The following ABCB5 variants were observed in gnomAD, a reference collection of about 807,000 sequenced individuals.
The protein encoded by ABCB5 is ATP binding cassette subfamily B member 5.
A neutral mutation model predicts 144.2 loss-of-function variants in ABCB5; 155 were observed. The ratio of observed to expected loss-of-function variants is 1.08; its 90% CI spans 0.94 to 1.23. The LOEUF is 1.23. Among genes scored for constraint, ABCB5 ranks in the 50% most tolerant of loss-of-function variants. The probability of loss-of-function intolerance (pLI) is 0.00; values close to 1 mark genes in which losing one functional copy is unlikely to be tolerated. For missense variants in ABCB5, 1,830 were observed against 1,520.8 expected (o/e 1.20, Z -3.38); for synonymous variants, 610 against 528.6 (o/e 1.15, Z -2.11).
chr7:20,623,221 A>G (rs1783837589), intron 1 of ABCB5, 44 bp from the exon 2 acceptor site: 1 of 1,147,710 alleles, frequency 8.7e-7, no homozygotes, highest in African/African-American at 1.6e-5. Flanking sequence ...ACTAAGTGAT[A>G]AAAGTCACAT....
intron 25 of ABCB5, among the ~76,000 whole-genome samples, chr7:20,743,498 C>T (rs1782625478): frequency 6.6e-6 from 1 of 152,168 alleles, no homozygotes; most frequent in South Asian, 2.1e-4. Context: ...AAACTTTATG[C>T]ACGGTTAAGG....
At position 20,709,308 on chromosome 7, in the gene ABCB5, C is replaced by T. The variant is rs143585000; in HGVS notation, c.2421+4501C>T. Among the ~76,000 whole-genome samples the T allele has an allele frequency of 1.9e-4, 28 of 149,824 alleles. 4 individuals are homozygous for T. Among genetic ancestry groups the T allele is most frequent in the South Asian group, 4.3e-4 (2 of 4,672 alleles). On this transcript the variant is annotated intron_variant, in intron 20 of 27. Coordinates refer to ENST00000404938, the MANE Select transcript of ABCB5 (RefSeq NM_001163941.2). ...TTCTCATTTTCATATTTTAGTTTTG[C>T]GAAGAAATTCTGCTAAGACAAGATA...
chr7:20,708,185 G>C (rs1786886973), intron 20 of ABCB5, among the ~76,000 whole-genome samples: 1 of 152,118 alleles, frequency 6.6e-6, no homozygotes, highest in Non-Finnish European at 1.5e-5. Context: ...AAACAATGTT[G>C]CCATGGAAAT....
chr7:20,653,454 T>C (rs1489653283), intron 13 of ABCB5, among the ~76,000 whole-genome samples: 1 of 152,182 alleles, frequency 6.6e-6, no homozygotes, highest in Non-Finnish European at 1.5e-5. Context: ...ATACACAGAT[T>C]TTAAAATTAA....
intron 27 of ABCB5, among the ~76,000 whole-genome samples, chr7:20,753,978 G>C (rs1358996818): frequency 6.6e-6 from 1 of 152,200 alleles, no homozygotes; most frequent in Non-Finnish European, 1.5e-5. Context: ...TGACACATGA[G>C]AAAATACTTG....
intron 13 of ABCB5, among the ~76,000 whole-genome samples, chr7:20,655,337 G>T (rs2128028170): frequency 6.6e-6 from 1 of 152,176 alleles, no homozygotes; most frequent in South Asian, 2.1e-4. Flanking sequence ...GCTGGGTGTG[G>T]TGGTGCACAC....
At position 20,742,858 on chromosome 7, in the gene ABCB5, T is replaced by C. The variant is rs767431491; in HGVS notation, c.3025-19T>C. On this transcript the variant is annotated intron_variant, in intron 24 of 27. Transcript: ENST00000404938. Reference sequence around the variant, plus strand: ...CTTCCCAAGTCATTCTTCTCAACTCTGTCAACTTCCTTTCACAGGACACAT... The same window carrying C: ...CTTCCCAAGTCATTCTTCTCAACTCCGTCAACTTCCTTTCACAGGACACAT... 1 of 1,612,946 alleles carries C rather than the reference T, an allele frequency of 6.2e-7. No individual in the cohort carries two copies. The highest frequency in any genetic ancestry group is 8.5e-7 in the Non-Finnish European group (1 of 1,179,442).
chr7:20,716,282 C>T lies in ABCB5; in HGVS notation c.2422-6734C>T, dbSNP rs528273440. Among the ~76,000 whole-genome samples, 14 of 151,526 alleles carry T rather than the reference C, an allele frequency of 9.2e-5. No individual in the cohort carries two copies. In the South Asian group the frequency reaches 2.7e-3, roughly 29 times the overall value. On this transcript the variant is annotated intron_variant, in intron 20 of 27. Transcript: ENST00000404938. ...TGTATCAAGGTCTACAAAACATAAC[C>T]CCCTATCAAGTAATTGATGACAAGT...
chr7:20,659,541 A>C, intron 14 of ABCB5: 1 of 1,004,000 alleles, frequency 1.0e-6, no homozygotes, highest in Non-Finnish European at 1.2e-6. Flanking sequence ...AGATTGTGCA[A>C]GTTTGAACGC....
chr7:20,704,834 G>T (rs1231919902), intron 20 of ABCB5, 27 bp downstream of exon 20: 2 of 1,575,258 alleles, frequency 1.3e-6, no homozygotes, highest in Non-Finnish European at 8.7e-7. Context: ...TATTGTAAAT[G>T]ATGTATGTAT....
At chr7:20,616,574 C>T (rs1302687135) in intron 1 of ABCB5, among the ~76,000 whole-genome samples, 1 of 152,048 alleles carries the variant, frequency 6.6e-6, no homozygotes, top group African/African-American at 2.4e-5. Context: ...CTTGTATGTT[C>T]CATAGTACTT....
At chr7:20,754,086 AAATG>A (rs1262251467) in intron 27 of ABCB5, among the ~76,000 whole-genome samples, 7 of 152,386 alleles carry the variant, frequency 4.6e-5, no homozygotes, top group African/African-American at 1.4e-4. Flanking sequence ...AACATTGGTT[AAATG>A]AATGGTTATC....
At chr7:20,715,362 T>C (rs1427272897) in intron 20 of ABCB5, among the ~76,000 whole-genome samples, 1 of 151,986 alleles carries the variant, frequency 6.6e-6, no homozygotes, top group Non-Finnish European at 1.5e-5. Context: ...ACTTACTTCA[T>C]TTCCTTTTGC....
chr7:20,682,568 T>C (rs1785864393), intron 15 of ABCB5, among the ~76,000 whole-genome samples: 1 of 152,158 alleles, frequency 6.6e-6, no homozygotes, highest in African/African-American at 2.4e-5. Context: ...TAAGTACTTA[T>C]GAGTGTTGAG....
At chr7:20,689,055 A>G (rs996677936) in intron 16 of ABCB5, among the ~76,000 whole-genome samples, 1 of 152,174 alleles carries the variant, frequency 6.6e-6, no homozygotes, top group Non-Finnish European at 1.5e-5. Flanking sequence ...AACATGGCAC[A>G]TGTATACATA....
At chr7:20,738,898 G>C (rs1782471913) in intron 23 of ABCB5, 85 bp from the exon 24 acceptor site, 3 of 1,395,664 alleles carry the variant, frequency 2.1e-6, no homozygotes, top group Non-Finnish European at 1.9e-6. Flanking sequence ...ATATTCCTGT[G>C]CCTGCTTTTT....
chr7:20,648,176 C>G (rs1784471115), intron 11 of ABCB5, 98 bp downstream of exon 11: 1 of 770,994 alleles, frequency 1.3e-6, no homozygotes, highest in Non-Finnish European at 2.1e-6. Flanking sequence ...CACTTTTTTC[C>G]AAGATTTTGG....
At chr7:20,737,266 G>A (rs180796889) in intron 23 of ABCB5, among the ~76,000 whole-genome samples, 1 of 152,016 alleles carries the variant, frequency 6.6e-6, no homozygotes, top group African/African-American at 2.4e-5. Context: ...ACCCTCATCG[G>A]CATCAGCCCC....
intron 16 of ABCB5, among the ~76,000 whole-genome samples, chr7:20,694,266 A>G (rs959620023): frequency 2.0e-5 from 3 of 152,050 alleles, no homozygotes; most frequent in Non-Finnish European, 4.4e-5. Context: ...ATAGAAAAAG[A>G]ATAATATATC....
Sources: gnomAD v4.1 joint callset for allele counts (sites outside exome capture counted in the v4.1 genomes callset) on GRCh38, gnomAD v4.1.1 for gene constraint, MANE v1.5 for transcripts, NCBI Gene and HGNC (gene_info 2026-07-23, HGNC 2026-07-21) for gene names.